The following CLIC2 variants were observed in gnomAD, a reference collection of about 807,000 sequenced individuals.
The protein encoded by CLIC2 is CLIC family member 2.
CLIC2 carries 9 observed loss-of-function variants against 14.8 expected under a neutral mutation model. The observed-to-expected ratio is 0.61, with a 90% CI of 0.37 to 1.06. The LOEUF (loss-of-function observed/expected upper bound fraction) is 1.06. Ranked by LOEUF, CLIC2 falls within the 50% of genes least tolerant of loss-of-function variation. The pLI is 0.01. For missense variants in CLIC2, 148 were observed against 181.4 expected (o/e 0.82, Z 1.06); for synonymous variants, 61 against 66.3 (o/e 0.92, Z 0.39).
Position 155,292,872 on chromosome X carries a change from T to G in CLIC2, c.293+5913A>C, listed in dbSNP as rs1400598688. On this transcript the variant is annotated intron_variant, in intron 3 of 5. Transcript: ENST00000369449. ...GGAAGAAAGAAGAGCTTATTTTGAC[T>G]TGCAGACACGTTATCCAGGTGCCTC... 4.7e-6 allele frequency: 5 copies of G among 1,053,151 alleles called. 1 individual carries two copies. The highest frequency in any genetic ancestry group is 3.7e-5 in the African/African-American group (2 of 54,245). 86.8% of individuals were successfully genotyped at this position (1,053,151 alleles called of 1,213,427 possible).
chrX:155,288,176 GA>G (rs1441080813), intron 3 of CLIC2, among the ~76,000 whole-genome samples: 3 of 111,435 alleles, frequency 2.7e-5, no homozygotes, highest in African/African-American at 9.8e-5. Context: ...TTTTCTTTGA[GA>G]AAAATTTTTT....
chrX:155,307,136 C>T (rs1009131811), intron 1 of CLIC2, among the ~76,000 whole-genome samples: 25 of 110,799 alleles, frequency 2.3e-4, no homozygotes, highest in African/African-American at 7.9e-4. Context: ...TAAAAATATT[C>T]CCCCAAATTA....
intron 1 of CLIC2, among the ~76,000 whole-genome samples, chrX:155,330,020 G>A (rs1440191369): frequency 9.0e-6 from 1 of 111,086 alleles, no homozygotes; most frequent in African/African-American, 3.3e-5. Flanking sequence ...GTAAAGGATG[G>A]CTACTAGAGG....
At chrX:155,331,078 G>A (rs2124225329) in intron 1 of CLIC2, among the ~76,000 whole-genome samples, 1 of 110,681 alleles carries the variant, frequency 9.0e-6, no homozygotes, top group Admixed American at 9.7e-5. Flanking sequence ...GAAGAGGAAT[G>A]GGAAGAGGCA....
At chrX:155,325,988 A>C (rs1557322294) in intron 1 of CLIC2, among the ~76,000 whole-genome samples, 2 of 106,733 alleles carry the variant, frequency 1.9e-5, no homozygotes, top group African/African-American at 6.8e-5. Flanking sequence ...ACGCAAAGGC[A>C]TAAGAATGAT....
At chrX:155,321,812 A>ACACACTGAATACAGTGTGT (rs1485497163) in intron 1 of CLIC2, among the ~76,000 whole-genome samples, 14 of 111,169 alleles carry the variant, frequency 1.3e-4, no homozygotes, top group African/African-American at 4.2e-4. Context: ...TATTCAGGAG[A>ACACACTGAATACAGTGTGT]CCCATCTCAT....
intron 1 of CLIC2, among the ~76,000 whole-genome samples, chrX:155,315,824 CTA>C (rs1352011260): frequency 9.0e-6 from 1 of 111,546 alleles, no homozygotes; most frequent in African/African-American, 3.3e-5. Context: ...AGAATCCATT[CTA>C]CAATGGATAA....
At chrX:155,318,732 C>CA (rs1389327668) in intron 1 of CLIC2, among the ~76,000 whole-genome samples, 3 of 111,408 alleles carry the variant, frequency 2.7e-5, no homozygotes, top group Non-Finnish European at 5.7e-5. Context: ...CATATGAAAC[C>CA]AAAAAAGCCC....
In CLIC2 at chrX:155,277,760, A is replaced by G. The variant is rs782067150; in HGVS notation, c.*143T>C. On this transcript the variant is annotated 3_prime_UTR_variant, in exon 6 of 6. Coordinates refer to ENST00000369449, the MANE Select transcript of CLIC2 (RefSeq NM_001289.6). Reference sequence around the variant, plus strand: ...ACAGTGGACAGATTATTTATGGCTAATAGAAAATACAGAGTTCCTTTTCAT... The same window carrying G: ...ACAGTGGACAGATTATTTATGGCTAGTAGAAAATACAGAGTTCCTTTTCAT... The G allele has an allele frequency of 1.9e-6, 1 of 515,255 alleles. No individual in the cohort carries two copies. The highest frequency in any genetic ancestry group is 3.2e-6 in the Non-Finnish European group (1 of 309,300). The allele number at this position is 515,255 out of a possible 1,213,427, so 42.5% of individuals were successfully genotyped here.
At chrX:155,298,707 T>C in intron 3 of CLIC2, 78 bp downstream of exon 3, 5 of 1,120,897 alleles carry the variant, frequency 4.5e-6, no homozygotes, top group Non-Finnish European at 6.1e-6. Flanking sequence ...CTTAAATTGG[T>C]AAGAATACTA....
chrX:155,317,028 C>A (rs782080879), intron 1 of CLIC2, among the ~76,000 whole-genome samples: 664 of 111,248 alleles, frequency 6.0e-3, no homozygotes, highest in Non-Finnish European at 9.7e-3. Context: ...ATCCTTCAAT[C>A]CAATCAAGTT....
At chrX:155,302,943 G>C (rs2075026507) in intron 1 of CLIC2, among the ~76,000 whole-genome samples, 2 of 90,469 alleles carry the variant, frequency 2.2e-5, no homozygotes, top group Middle Eastern at 5.6e-3. Flanking sequence ...TGGTCTGAGA[G>C]ATAGTTTGTT....
chrX:155,287,253 C>A (rs1377516450), intron 3 of CLIC2, among the ~76,000 whole-genome samples: 1 of 112,273 alleles, frequency 8.9e-6, no homozygotes, highest in East Asian at 2.8e-4. Flanking sequence ...TGTCAAAAAT[C>A]ACATGGTTGT....
chrX:155,278,155 G>A (rs1235299379), intron 5 of CLIC2, 91 bp from the exon 6 acceptor site: 2 of 751,481 alleles, frequency 2.7e-6, no homozygotes, highest in African/African-American at 4.2e-5. Flanking sequence ...ATTATCAAAG[G>A]CATCTTATCG....
chrX:155,295,268 A>T (rs2074988263), intron 3 of CLIC2, among the ~76,000 whole-genome samples: 1 of 111,883 alleles, frequency 8.9e-6, no homozygotes, highest in Non-Finnish European at 1.9e-5. Flanking sequence ...GACAAAAAAC[A>T]TATCATCATC....
chrX:155,280,990 G>GAGATAT (rs1557316382), intron 3 of CLIC2, among the ~76,000 whole-genome samples: 103 of 89,918 alleles, frequency 1.1e-3, no homozygotes, highest in Middle Eastern at 5.1e-3. Flanking sequence ...GAAATTGTGA[G>GAGATAT]ATATATATAT....
chrX:155,318,057 A>C (rs1217206640), intron 1 of CLIC2, among the ~76,000 whole-genome samples: 1 of 111,958 alleles, frequency 8.9e-6, no homozygotes, highest in Non-Finnish European at 1.9e-5. Flanking sequence ...AACATACCTT[A>C]AGGTAATAAA....
At chrX:155,307,242 G>A (rs1412692986) in intron 1 of CLIC2, among the ~76,000 whole-genome samples, 5 of 111,584 alleles carry the variant, frequency 4.5e-5, no homozygotes, top group African/African-American at 1.6e-4. Flanking sequence ...TATGGGGTCT[G>A]TCAGGGAAGG....
Position 155,297,884 on chromosome X carries a change from A to AAAAAAAAAG in CLIC2, c.293+900_293+901insCTTTTTTTT, listed in dbSNP as rs1557318527. Among the ~76,000 whole-genome samples the AAAAAAAAAG allele has an allele frequency of 3.5e-4, 16 of 45,228 alleles. 4 individuals carry two copies. Among genetic ancestry groups the AAAAAAAAAG allele is most frequent in the African/African-American group, 8.2e-4 (14 of 17,050 alleles). The allele number at this position is 45,228 out of a possible 115,157, so 39.3% of individuals were successfully genotyped here. On this transcript the variant is annotated intron_variant, in intron 3 of 5. Transcript: ENST00000369449. Reference sequence around the variant, plus strand: ...TCAAAAAAAAAAAAAAAAAAAAAAAAAAGAAGGTGAACCATCAGAGAGACA... The same window carrying AAAAAAAAAG: ...TCAAAAAAAAAAAAAAAAAAAAAAAAAAAAAAAAGAAGAAGGTGAACCATCAGAGAGACA...
Sources: gnomAD v4.1 joint callset for allele counts (sites outside exome capture counted in the v4.1 genomes callset) on GRCh38, gnomAD v4.1.1 for gene constraint, MANE v1.5 for transcripts, NCBI Gene and HGNC (gene_info 2026-07-23, HGNC 2026-07-21) for gene names.